GLS: variants seen among roughly 807,000 people sequenced by gnomAD.
GLS encodes glutaminase.
In GLS, 36 loss-of-function variants were observed where a neutral mutation model predicts 86.7. The ratio of observed to expected loss-of-function variants is 0.42; its 90% CI spans 0.32 to 0.55. The LOEUF (loss-of-function observed/expected upper bound fraction) is 0.55, where lower values mean the gene tolerates loss of function less well. Among genes scored for constraint, GLS ranks in the 20% least tolerant of loss-of-function variants. The pLI, the probability that GLS is intolerant of heterozygous loss-of-function variation, is 0.17. For synonymous variants in GLS, 317 were observed against 305.9 expected, an observed-to-expected ratio of 1.04 and a Z score of -0.38; for missense variants, 528 against 833.4, an observed-to-expected ratio of 0.63 and a Z score of 4.51.
chr2:190,934,978 G>A (rs1690228485), intron 14 of GLS: 1 of 963,288 alleles, frequency 1.0e-6, no homozygotes. Context: ...TTTAAACAAA[G>A]TTCTTGATAG....
At chr2:190,898,709 G>T (rs1290257200) in intron 3 of GLS, among the ~76,000 whole-genome samples, 1 of 152,106 alleles carries the variant, frequency 6.6e-6, no homozygotes, top group Non-Finnish European at 1.5e-5. Flanking sequence ...TTGGCTCACC[G>T]CAACCTCCGC....
At chr2:190,933,217 T>C (rs1204638600) in intron 14 of GLS, 3 of 873,986 alleles carry the variant, frequency 3.4e-6, no homozygotes, top group Non-Finnish European at 4.1e-6. Flanking sequence ...AATTCACAAA[T>C]TAAACTCATA....
In GLS at chr2:190,905,448, TTTAG is replaced by T. The variant is rs1689102898; in HGVS notation, c.979+285_979+288del. Among the ~76,000 whole-genome samples, 1 of 152,042 alleles carries T rather than the reference TTTAG, an allele frequency of 6.6e-6. No individual in the cohort carries two copies. Among genetic ancestry groups the T allele is most frequent in the Non-Finnish European group, 1.5e-5 (1 of 67,916 alleles). On this transcript the variant is annotated intron_variant, in intron 6 of 17. Coordinates refer to ENST00000320717, the MANE Select transcript of GLS (RefSeq NM_014905.5). The surrounding 1 kb of genome is among the most constrained non-coding windows in gnomAD (Gnocchi z 4.6). ...ATACATGAGATTTGCTTTAAAATAA[TTTAG>T]TTAAGGCAGCTGGGAGTGCTGGGTA...
intron 1 of GLS, among the ~76,000 whole-genome samples, chr2:190,887,285 G>A (rs934092004): frequency 1.3e-5 from 2 of 152,138 alleles, no homozygotes; most frequent in African/African-American, 2.4e-5. Context: ...CTTTGGTTAT[G>A]AAACACATTA....
intron 14 of GLS, chr2:190,934,008 G>T (rs1018040000): frequency 6.2e-6 from 6 of 962,818 alleles, no homozygotes; most frequent in Admixed American, 6.2e-5. Context: ...ATTATTCATA[G>T]TATTTATAGT....
At chr2:190,933,112 A>T in intron 14 of GLS, 1 of 930,922 alleles carries the variant, frequency 1.1e-6, no homozygotes, top group Non-Finnish European at 1.3e-6. Context: ...AAAAGGAAAA[A>T]TTTAAATTTT....
chr2:190,928,816 T>C (rs1689991040), intron 12 of GLS, among the ~76,000 whole-genome samples: 1 of 150,592 alleles, frequency 6.6e-6, no homozygotes, highest in South Asian at 2.1e-4. Flanking sequence ...AGTTTTCCAC[T>C]GTCTCTACAT....
At chr2:190,926,942 C>G (rs1277346453) in intron 11 of GLS, 1 of 161,138 alleles carries the variant, frequency 6.2e-6, no homozygotes, top group Non-Finnish European at 1.4e-5. Flanking sequence ...TATTTCATGG[C>G]TCTTTTTTTT....
intron 1 of GLS, among the ~76,000 whole-genome samples, chr2:190,886,021 G>A (rs1457418332): frequency 6.6e-6 from 1 of 151,938 alleles, no homozygotes; most frequent in Non-Finnish European, 1.5e-5. Flanking sequence ...TTACAGGCAC[G>A]TGCCACCACA....
At chr2:190,891,078 A>C (rs1688546871) in intron 1 of GLS, among the ~76,000 whole-genome samples, 1 of 151,656 alleles carries the variant, frequency 6.6e-6, no homozygotes, top group Non-Finnish European at 1.5e-5. Flanking sequence ...TTTATTTATA[A>C]GATTTTTGAA....
intron 14 of GLS, among the ~76,000 whole-genome samples, chr2:190,941,594 A>G (rs1018978402): frequency 6.6e-6 from 1 of 152,164 alleles, no homozygotes; most frequent in Non-Finnish European, 1.5e-5. Flanking sequence ...GTGGTTAAAT[A>G]TGGTTGGTTT....
At chr2:190,934,583 T>A (rs1235861051) in intron 14 of GLS, 37 of 983,674 alleles carry the variant, frequency 3.8e-5, no homozygotes, top group Non-Finnish European at 4.3e-5. Context: ...ACCGAATGCC[T>A]TAATTGGAAA....
chr2:190,885,470 G>T (rs1469833685), intron 1 of GLS, among the ~76,000 whole-genome samples: 1 of 152,156 alleles, frequency 6.6e-6, no homozygotes, highest in East Asian at 1.9e-4. Flanking sequence ...GATTACAGGC[G>T]TGAGCCACCG....
chr2:190,895,886 C>T lies in GLS; in HGVS notation c.605+161C>T. 2 of 487,316 alleles carry T rather than the reference C, an allele frequency of 4.1e-6. No homozygotes were observed. The highest frequency in any genetic ancestry group is 7.5e-6 in the Non-Finnish European group (2 of 266,188). The allele number at this position is 487,316 out of a possible 1,614,324, so 30.2% of individuals were successfully genotyped here. On this transcript the variant is annotated intron_variant, in intron 3 of 17. Coordinates refer to ENST00000320717, the MANE Select transcript of GLS (RefSeq NM_014905.5). The surrounding 1 kb of genome is among the most constrained non-coding windows in gnomAD (Gnocchi z 4.2). ...TGAAGAACTTGGTACATATTAGGTT[C>T]TATAATACACCGGGCTAAGAGTATT...
intron 14 of GLS, among the ~76,000 whole-genome samples, chr2:190,941,780 T>C (rs1054345287): frequency 1.3e-5 from 2 of 152,086 alleles, no homozygotes; most frequent in Non-Finnish European, 2.9e-5. Context: ...GGATGGAGAT[T>C]GGCTGTGGAT....
In GLS at chr2:190,962,937, A is replaced by G. The variant is rs35890674; in HGVS notation, c.1961A>G (p.Asn654Ser). 1,131 of 1,610,874 alleles carry G rather than the reference A, an allele frequency of 7.0e-4. 9 individuals carry two copies. The African/African-American group carries it at 0.012, about 17-fold the overall frequency. The change falls in exon 18 of 18, where the codon AAC becomes AGC. Residue 654 changes from asparagine (N) to serine (S), a missense_variant. This residue lies in a region of GLS where 30 missense variants were observed against 36.9 expected (regional missense o/e 0.81). Transcript: ENST00000320717. This position sits in a 1 kb window ranked among gnomAD's most constrained non-coding sequence, Gnocchi z 4.2. ...VQYTPQGDSDNGKENQTVHKN... is the reference protein window; with the variant it reads ...VQYTPQGDSDSGKENQTVHKN... ...TACACACCTCAAGGAGATTCTGACAACGGGAAGGAAAATCAAACCGTCCAT... is the reference window on the plus strand; with the variant it reads ...TACACACCTCAAGGAGATTCTGACAGCGGGAAGGAAAATCAAACCGTCCAT...
intron 5 of GLS, among the ~76,000 whole-genome samples, chr2:190,902,785 C>T (rs1295296003): frequency 1.3e-5 from 2 of 152,062 alleles, no homozygotes; most frequent in Non-Finnish European, 1.5e-5. Context: ...AGAGAAAAAT[C>T]AATATTCTTT....
intron 14 of GLS, among the ~76,000 whole-genome samples, chr2:190,937,787 A>G (rs1457738484): frequency 2.7e-5 from 4 of 150,618 alleles, no homozygotes; most frequent in Non-Finnish European, 6.0e-5. Flanking sequence ...ACCAAAATGA[A>G]TAGGATACTA....
chr2:190,906,788 C>CT (rs1198326048), intron 6 of GLS, among the ~76,000 whole-genome samples: 1 of 151,914 alleles, frequency 6.6e-6, no homozygotes, highest in Non-Finnish European at 1.5e-5. Context: ...AAACCATACA[C>CT]TTTTTGTGTG....
Sources: gnomAD v4.1 joint callset for allele counts (sites outside exome capture counted in the v4.1 genomes callset) on GRCh38, gnomAD v4.1.1 for gene constraint, gnomAD v4.1.1 regional missense constraint, Gnocchi (gnomAD v3.1) non-coding constraint, MANE v1.5 for transcripts, NCBI Gene and HGNC (gene_info 2026-07-23, HGNC 2026-07-21) for gene names.